Variants in TNIK observed in about 807,000 individuals in gnomAD.
TNIK encodes TRAF2 and NCK interacting kinase.
TNIK carries 49 observed loss-of-function variants against 191.3 expected under a neutral mutation model. That is an observed-to-expected ratio of 0.26 (90% CI 0.20 to 0.32). TNIK has a LOEUF of 0.32. TNIK is among the 10% of genes least tolerant of loss of function. The pLI is 1.00. For missense variants in TNIK, 1,155 were observed against 1,702.3 expected (o/e 0.68, Z 5.66); for synonymous variants, 594 against 600.9 (o/e 0.99, Z 0.17).
At position 171,080,411 on chromosome 3, in the gene TNIK, G is replaced by A. The variant is rs145492167; in HGVS notation, c.3314-759C>T. On this transcript the variant is annotated intron_variant, in intron 27 of 32. Transcript: ENST00000436636. ...GGATACTTATTTTTCTTTATCTTAG[G>A]CTTTAAAAATGTTTTATTTATTTAT... Among the ~76,000 whole-genome samples the A allele has an allele frequency of 1.6e-3, 243 of 151,554 alleles. 5 individuals are homozygous for A. Among genetic ancestry groups the A allele is most frequent in the Admixed American group, 0.014 (208 of 15,240 alleles).
At chr3:171,271,757 C>A (rs769175187) in intron 2 of TNIK, among the ~76,000 whole-genome samples, 1 of 152,112 alleles carries the variant, frequency 6.6e-6, no homozygotes, top group Non-Finnish European at 1.5e-5. Flanking sequence ...GTGCTACAAC[C>A]TATTATATAT....
chr3:171,070,361 T>C (rs1386417899), intron 29 of TNIK, among the ~76,000 whole-genome samples: 1 of 151,362 alleles, frequency 6.6e-6, no homozygotes, highest in Non-Finnish European at 1.5e-5. Context: ...CAGAAAATAA[T>C]AAGGAGCCAA....
intron 4 of TNIK, among the ~76,000 whole-genome samples, chr3:171,195,763 C>A (rs1253498836): frequency 6.6e-6 from 1 of 152,122 alleles, no homozygotes; most frequent in Non-Finnish European, 1.5e-5. Flanking sequence ...ACCTTCCCAC[C>A]TTCTCCAAGA....
chr3:171,319,563 T>A (rs1446196748), intron 2 of TNIK, among the ~76,000 whole-genome samples: 1 of 152,134 alleles, frequency 6.6e-6, no homozygotes, highest in Non-Finnish European at 1.5e-5. Context: ...GCAGGTTGGC[T>A]AGGAGGTTAG....
chr3:171,142,682 A>C (rs1304471141), intron 12 of TNIK, among the ~76,000 whole-genome samples: 1 of 152,246 alleles, frequency 6.6e-6, no homozygotes, highest in Non-Finnish European at 1.5e-5. Context: ...GGAAGATGCG[A>C]GTAGAAAACA....
intron 2 of TNIK, among the ~76,000 whole-genome samples, chr3:171,365,370 C>A (rs1192125016): frequency 6.6e-6 from 1 of 151,448 alleles, no homozygotes; most frequent in Admixed American, 6.6e-5. Flanking sequence ...TTAGTAGAGA[C>A]AGGGTTTCTC....
intron 5 of TNIK, 41 bp downstream of exon 5, chr3:171,194,484 G>C (rs1165253366): frequency 3.2e-6 from 5 of 1,556,270 alleles, no homozygotes; most frequent in Non-Finnish European, 4.4e-6. Flanking sequence ...TGTGTTGCTT[G>C]AAGACTTTGG....
intron 1 of TNIK, among the ~76,000 whole-genome samples, chr3:171,441,370 C>T (rs1334542243): frequency 2.0e-5 from 3 of 152,218 alleles, no homozygotes; most frequent in Non-Finnish European, 2.9e-5. Context: ...CGTAGATTTG[C>T]ATTTTCTAGA....
At chr3:171,257,391 C>G (rs1190109629) in intron 2 of TNIK, among the ~76,000 whole-genome samples, 1 of 152,216 alleles carries the variant, frequency 6.6e-6, no homozygotes, top group Non-Finnish European at 1.5e-5. Context: ...TTTAACCACT[C>G]TCAGCTTCAG....
At chr3:171,286,307 C>T (rs1204880437) in intron 2 of TNIK, among the ~76,000 whole-genome samples, 1 of 152,114 alleles carries the variant, frequency 6.6e-6, no homozygotes, top group African/African-American at 2.4e-5. Context: ...TCATGAATGC[C>T]CTGACTCGTT....
At chr3:171,452,322 A>G (rs1398394533) in intron 1 of TNIK, among the ~76,000 whole-genome samples, 4 of 152,208 alleles carry the variant, frequency 2.6e-5, no homozygotes, top group Non-Finnish European at 5.9e-5. Flanking sequence ...TCCAACAGAT[A>G]GAATAAGAAT....
At chr3:171,256,548 A>G (rs899606627) in intron 2 of TNIK, among the ~76,000 whole-genome samples, 19 of 152,202 alleles carry the variant, frequency 1.2e-4, no homozygotes, top group Admixed American at 5.9e-4. Context: ...ATGAAGAATC[A>G]TGGGGAGCTA....
chr3:171,216,085 C>G (rs531974265), intron 3 of TNIK, among the ~76,000 whole-genome samples: 1 of 152,302 alleles, frequency 6.6e-6, no homozygotes, highest in Non-Finnish European at 1.5e-5. Context: ...ATCTGTCATT[C>G]TCACCTTCAG....
intron 1 of TNIK, among the ~76,000 whole-genome samples, chr3:171,440,154 C>T (rs1395456472): frequency 1.3e-5 from 2 of 152,316 alleles, no homozygotes; most frequent in Middle Eastern, 3.4e-3. Context: ...GACTCTTAAG[C>T]CCTCTTCCTT....
chr3:171,091,611 C>T (rs1036987687), intron 23 of TNIK, among the ~76,000 whole-genome samples: 10 of 152,046 alleles, frequency 6.6e-5, no homozygotes, highest in African/African-American at 2.4e-4. Flanking sequence ...GGCGTGCACC[C>T]GTAGTCTCAG....
intron 7 of TNIK, among the ~76,000 whole-genome samples, chr3:171,186,694 C>T (rs562313026): frequency 6.6e-6 from 1 of 152,186 alleles, no homozygotes; most frequent in Non-Finnish European, 1.5e-5. Context: ...AAAAAACACA[C>T]AGACATTCAT....
At chr3:171,373,304 C>T (rs1446383162) in intron 1 of TNIK, among the ~76,000 whole-genome samples, 1 of 146,684 alleles carries the variant, frequency 6.8e-6, no homozygotes, top group East Asian at 2.0e-4. Flanking sequence ...ATATATCCCT[C>T]CACCATCTTC....
intron 2 of TNIK, among the ~76,000 whole-genome samples, chr3:171,275,861 C>T (rs1749674427): frequency 6.6e-6 from 1 of 151,930 alleles, no homozygotes; most frequent in Non-Finnish European, 1.5e-5. Flanking sequence ...CGTGCCACTG[C>T]ACTCCAAGCT....
At chr3:171,181,360 T>G (rs2108800283) in intron 7 of TNIK, among the ~76,000 whole-genome samples, 1 of 152,352 alleles carries the variant, frequency 6.6e-6, no homozygotes, top group South Asian at 2.1e-4. Context: ...TGACACTGCC[T>G]TTGCCTGCCC....
Sources: allele counts gnomAD v4.1 joint callset (sites outside exome capture counted in the v4.1 genomes callset), GRCh38; gene constraint gnomAD v4.1.1; transcripts MANE v1.5; gene names NCBI Gene and HGNC (gene_info 2026-07-23, HGNC 2026-07-21).